DCC: variants seen among roughly 807,000 people sequenced by gnomAD.
DCC encodes the protein DCC netrin 1 receptor.
A neutral mutation model predicts 172.5 loss-of-function variants in DCC; 58 were observed. The ratio of observed to expected loss-of-function variants is 0.34; its 90% CI spans 0.27 to 0.42. The LOEUF is 0.42. Among genes scored for constraint, DCC ranks in the 10% least tolerant of loss-of-function variants. The pLI is 1.00. For missense variants in DCC, 1,740 were observed against 1,791.0 expected, an observed-to-expected ratio of 0.97 and a Z score of 0.51; for synonymous variants, 709 against 644.5, an observed-to-expected ratio of 1.10 and a Z score of -1.52.
chr18:52,720,633 A>C (rs543682898), intron 1 of DCC, among the ~76,000 whole-genome samples: 104 of 152,330 alleles, frequency 6.8e-4, no homozygotes, highest in African/African-American at 2.0e-3. Context: ...TTTGTTTTCT[A>C]TCTAGGGAGG....
intron 12 of DCC, among the ~76,000 whole-genome samples, chr18:53,290,554 G>C (rs2056990448): frequency 6.6e-6 from 1 of 152,052 alleles, no homozygotes; most frequent in Non-Finnish European, 1.5e-5. Flanking sequence ...TTGAAAGCCT[G>C]CTGGTTTCAG....
Position 53,450,570 on chromosome 18 carries a change from GATC to G in DCC, c.3303_3305del (p.Ile1102del), listed in dbSNP as rs1290481783. Reference sequence around the variant, plus strand: ...CTCAGAAGAACAGCAACCTGCTTGTGATCATTGTGGTCACCGTTGGTGTCATCA... The same window carrying G: ...CTCAGAAGAACAGCAACCTGCTTGTGATTGTGGTCACCGTTGGTGTCATCA... On this transcript the variant is annotated inframe_deletion, in exon 23 of 29. Coordinates refer to ENST00000442544, the MANE Select transcript of DCC (RefSeq NM_005215.4). The G allele has an allele frequency of 6.2e-7, 1 of 1,614,036 alleles. No individual in the cohort carries two copies.
chr18:52,446,216 C>T (rs1393257456), intron 1 of DCC, among the ~76,000 whole-genome samples: 3 of 152,154 alleles, frequency 2.0e-5, no homozygotes, highest in African/African-American at 4.8e-5. Context: ...CCACCGTGCC[C>T]GGCCTCCTTA....
chr18:53,206,789 G>A (rs183186497), intron 10 of DCC, among the ~76,000 whole-genome samples: 16 of 151,268 alleles, frequency 1.1e-4, no homozygotes, highest in African/African-American at 3.1e-4. Context: ...CCCAGGATAT[G>A]GGAGTTCTTA....
chr18:52,832,446 C>T (rs2038632457), intron 2 of DCC, among the ~76,000 whole-genome samples: 1 of 9,026 alleles, frequency 1.1e-4, no homozygotes, highest in Admixed American at 3.2e-3. Flanking sequence ...TGTACCTGTG[C>T]ACCCTCAAAA....
chr18:52,459,057 T>C (rs552742005), intron 1 of DCC, among the ~76,000 whole-genome samples: 1 of 152,128 alleles, frequency 6.6e-6, no homozygotes, highest in South Asian at 2.1e-4. Flanking sequence ...TTAGTTCTTT[T>C]TTTTTGCCCT....
chr18:53,256,564 G>A, intron 12 of DCC, among the ~76,000 whole-genome samples: 1 of 151,998 alleles, frequency 6.6e-6, no homozygotes, highest in Non-Finnish European at 1.5e-5. Context: ...CTGTTCCATT[G>A]GTCTATATCT....
At chr18:52,613,229 T>C (rs1350812905) in intron 1 of DCC, among the ~76,000 whole-genome samples, 2 of 150,668 alleles carry the variant, frequency 1.3e-5, no homozygotes, top group Non-Finnish European at 2.9e-5. Flanking sequence ...CTTGTTTTTG[T>C]TTGTTTGTTT....
intron 1 of DCC, among the ~76,000 whole-genome samples, chr18:52,629,559 A>T (rs2034635301): frequency 6.6e-6 from 1 of 152,184 alleles, no homozygotes; most frequent in South Asian, 2.1e-4. Flanking sequence ...TCATGCTTAT[A>T]AGCCTAGAAC....
chr18:53,355,249 G>A (rs1042831586), intron 15 of DCC, among the ~76,000 whole-genome samples: 2 of 151,744 alleles, frequency 1.3e-5, no homozygotes, highest in Non-Finnish European at 2.9e-5. Context: ...GATTGACTTG[G>A]CAATGCGGGC....
intron 2 of DCC, among the ~76,000 whole-genome samples, chr18:52,844,002 G>T (rs1307856975): frequency 6.6e-6 from 1 of 152,060 alleles, no homozygotes; most frequent in Admixed American, 6.6e-5. Flanking sequence ...TTTGAAGTCA[G>T]ACGTAATGAC....
Position 53,127,631 on chromosome 18 carries a change from A to C in DCC, c.1262-29725A>C, listed in dbSNP as rs569065576. ...GGCAGAAATAAAATGTATGACTTTG[A>C]ACAAATAAAAGCTTAGCCACTAGAA... On this transcript the variant is annotated intron_variant, in intron 7 of 28. Coordinates refer to ENST00000442544, the MANE Select transcript of DCC (RefSeq NM_005215.4). Among the ~76,000 whole-genome samples the C allele has an allele frequency of 5.3e-5, 8 of 152,266 alleles. No homozygotes were observed. The East Asian group carries it at 9.7e-4, about 18-fold the overall frequency.
intron 15 of DCC, among the ~76,000 whole-genome samples, chr18:53,374,456 T>C (rs1193593643): frequency 6.6e-6 from 1 of 152,176 alleles, no homozygotes. Context: ...GTGAGCATCA[T>C]CTAACTGGCA....
At chr18:53,524,297 G>GA (rs369328515) in intron 27 of DCC, among the ~76,000 whole-genome samples, 40 of 146,014 alleles carry the variant, frequency 2.7e-4, no homozygotes, top group African/African-American at 5.8e-4. Flanking sequence ...TTGAATACAT[G>GA]AAAAAAAAAA....
rs1342428843 is a variant in DCC at position 53,056,170 on chromosome 18, G to A, written c.986-7135G>A. Among the ~76,000 whole-genome samples, 4 of 152,062 alleles carry A rather than the reference G, an allele frequency of 2.6e-5. No homozygotes were observed. The East Asian group carries it at 7.7e-4, about 29-fold the overall frequency. ...TTCTGCATGGCTGGGGAAGCCTTTG[G>A]AATCTCACAATCACGGCGAAAGGCA... On this transcript the variant is annotated intron_variant, in intron 5 of 28. Coordinates refer to ENST00000442544, the MANE Select transcript of DCC (RefSeq NM_005215.4).
chr18:53,127,802 T>C (rs2043587961), intron 7 of DCC, among the ~76,000 whole-genome samples: 1 of 152,168 alleles, frequency 6.6e-6, no homozygotes, highest in Admixed American at 6.6e-5. Flanking sequence ...CACTGCTTTA[T>C]AGTCGAAACT....
chr18:53,264,556 TG>T lies in DCC; in HGVS notation c.1912-41020del, dbSNP rs563100863. ...CTAGGCAATCCCCATGCAATGCTCTTGGCTTAGAGTTTAACTGTGATTAACG... is the reference window on the plus strand; with the variant it reads ...CTAGGCAATCCCCATGCAATGCTCTTGCTTAGAGTTTAACTGTGATTAACG... On this transcript the variant is annotated intron_variant, in intron 12 of 28. Transcript: ENST00000442544. 1.9e-3 allele frequency among the ~76,000 whole-genome samples: 285 copies of T among 151,998 alleles called. 1 individual carries two copies. The highest frequency in any genetic ancestry group is 5.4e-3 in the Admixed American group (83 of 15,260).
intron 2 of DCC, among the ~76,000 whole-genome samples, chr18:52,753,335 A>C (rs2037029089): frequency 6.6e-6 from 1 of 152,238 alleles, no homozygotes; most frequent in Non-Finnish European, 1.5e-5. Context: ...ATTATCTTAG[A>C]AAACAGTCAT....
chr18:53,253,068 T>G (rs1404863649), intron 12 of DCC, among the ~76,000 whole-genome samples: 2 of 151,922 alleles, frequency 1.3e-5, no homozygotes, highest in Non-Finnish European at 2.9e-5. Flanking sequence ...TCATTGTATG[T>G]CAGAATATAA....
Sources: allele counts gnomAD v4.1 joint callset (sites outside exome capture counted in the v4.1 genomes callset), GRCh38; gene constraint gnomAD v4.1.1; transcripts MANE v1.5; gene names NCBI Gene and HGNC (gene_info 2026-07-23, HGNC 2026-07-21).